The following ENTREP2 variants were observed in gnomAD, a reference collection of about 807,000 sequenced individuals.
ENTREP2 encodes the protein protein ENTREP2.
the ENTREP2 span, among the ~76,000 whole-genome samples, chr15:29,415,185 A>G: frequency 6.6e-6 from 1 of 152,160 alleles, no homozygotes; most frequent in Non-Finnish European, 1.5e-5. Flanking sequence ...AAAGTCTGGC[A>G]GAGACACAAC....
At chr15:29,315,678 ACAGTC>A in the ENTREP2 span, among the ~76,000 whole-genome samples, 8 of 152,202 alleles carry the variant, frequency 5.3e-5, no homozygotes, top group African/African-American at 1.9e-4. Context: ...CCTATAACTC[ACAGTC>A]CAAAGTAATA....
At chr15:29,487,243 C>T in the ENTREP2 span, among the ~76,000 whole-genome samples, 4,611 of 152,182 alleles carry the variant, frequency 0.03, 234 homozygotes, top group African/African-American at 0.11. Context: ...ATGTAGACAG[C>T]CATGTGAATG....
chr15:29,583,697 A>T, the ENTREP2 span, among the ~76,000 whole-genome samples: 2 of 152,206 alleles, frequency 1.3e-5, no homozygotes, highest in South Asian at 4.1e-4. Context: ...ACTATCATCA[A>T]TGTGCAAAAA....
chr15:29,198,154 C>T, the ENTREP2 span, among the ~76,000 whole-genome samples: 1,695 of 152,236 alleles, frequency 0.011, 15 homozygotes, highest in African/African-American at 0.023. Context: ...GTGGGCTTTG[C>T]GAGTGGCTTT....
chr15:29,418,480 G>A, the ENTREP2 span, among the ~76,000 whole-genome samples: 4,534 of 151,964 alleles, frequency 0.03, 246 homozygotes, highest in African/African-American at 0.1. Flanking sequence ...GTGTTGGCAT[G>A]CCAGATCCCA....
chr15:29,522,836 G>A, the ENTREP2 span, among the ~76,000 whole-genome samples: 4 of 152,170 alleles, frequency 2.6e-5, no homozygotes, highest in Admixed American at 2.0e-4. Flanking sequence ...TAGCCTCGGG[G>A]CATTTGCTGA....
chr15:29,461,151 T>C, the ENTREP2 span, among the ~76,000 whole-genome samples: 5 of 152,192 alleles, frequency 3.3e-5, no homozygotes, highest in East Asian at 9.6e-4. Flanking sequence ...TGTAAATGTA[T>C]TGCCTTGCTC....
At chr15:29,262,438 G>A in the ENTREP2 span, among the ~76,000 whole-genome samples, 2 of 152,204 alleles carry the variant, frequency 1.3e-5, no homozygotes, top group Non-Finnish European at 2.9e-5. Flanking sequence ...GCTTTAGCTC[G>A]TGTGCGTTTT....
chr15:29,428,562 T>C, the ENTREP2 span, among the ~76,000 whole-genome samples: 8 of 150,560 alleles, frequency 5.3e-5, no homozygotes, highest in Non-Finnish European at 1.0e-4. Context: ...TAAGCTCTTT[T>C]CCCAAAAAAA....
At chr15:29,159,426 G>C in the ENTREP2 span, among the ~76,000 whole-genome samples, 1 of 151,664 alleles carries the variant, frequency 6.6e-6, no homozygotes, top group Non-Finnish European at 1.5e-5. Context: ...AGCTTCCACA[G>C]CATAGAAAAG....
chr15:29,281,215 A>G, the ENTREP2 span, among the ~76,000 whole-genome samples: 1 of 152,210 alleles, frequency 6.6e-6, no homozygotes, highest in South Asian at 2.1e-4. Flanking sequence ...GATATAATTT[A>G]TAGAAATTCT....
the ENTREP2 span, among the ~76,000 whole-genome samples, chr15:29,416,062 C>A: frequency 2.0e-5 from 3 of 152,156 alleles, no homozygotes; most frequent in Admixed American, 6.5e-5. Flanking sequence ...GTGAAAATGG[C>A]CATAATGCCC....
the ENTREP2 span, among the ~76,000 whole-genome samples, chr15:29,293,749 T>C: frequency 3.3e-5 from 5 of 152,218 alleles, no homozygotes; most frequent in African/African-American, 1.2e-4. Flanking sequence ...AAGTTGGCCA[T>C]GCTGAGCAAC....
the ENTREP2 span, among the ~76,000 whole-genome samples, chr15:29,622,638 T>C: frequency 6.6e-6 from 1 of 152,294 alleles, no homozygotes; most frequent in South Asian, 2.1e-4. Context: ...GTTGGTCCTC[T>C]TTGGTCAACT....
chr15:29,269,400 C>A, the ENTREP2 span: 1 of 1,614,196 alleles, frequency 6.2e-7, no homozygotes, highest in Non-Finnish European at 8.5e-7. Context: ...TCGGAATCTT[C>A]TTCTGGTCTT....
the ENTREP2 span, among the ~76,000 whole-genome samples, chr15:29,490,516 G>A: frequency 6.6e-6 from 1 of 152,288 alleles, no homozygotes; most frequent in South Asian, 2.1e-4. Flanking sequence ...ATTTTACAGA[G>A]AGCTGATTGG....
chr15:29,606,437 T>C, the ENTREP2 span, among the ~76,000 whole-genome samples: 10 of 152,012 alleles, frequency 6.6e-5, no homozygotes, highest in African/African-American at 2.2e-4. Flanking sequence ...GGTTTCACCA[T>C]GTTAGCCAGG....
the ENTREP2 span, among the ~76,000 whole-genome samples, chr15:29,509,236 T>C: frequency 0.016 from 2,422 of 152,152 alleles, 65 homozygotes; most frequent in African/African-American, 0.056. Flanking sequence ...AAACCACTGC[T>C]CAAGGAAATA....
the ENTREP2 span, among the ~76,000 whole-genome samples, chr15:29,653,535 GTGAGA>G: frequency 6.6e-6 from 1 of 152,198 alleles, no homozygotes; most frequent in Admixed American, 6.5e-5. Context: ...ATCATAGTGA[GTGAGA>G]TGTCATGAGA....
Sources: allele counts gnomAD v4.1 joint callset (sites outside exome capture counted in the v4.1 genomes callset), GRCh38; gene constraint gnomAD v4.1.1; transcripts MANE v1.5; gene names NCBI Gene and HGNC (gene_info 2026-07-23, HGNC 2026-07-21).